The following LRRTM4 variants were observed in gnomAD, a reference collection of about 807,000 sequenced individuals.
The protein encoded by LRRTM4 is leucine-rich repeat transmembrane neuronal protein 4.
A neutral mutation model predicts 47.6 loss-of-function variants in LRRTM4; 25 were observed. The ratio of observed to expected loss-of-function variants is 0.53; its 90% CI spans 0.38 to 0.73. The LOEUF is 0.73. Among genes scored for constraint, LRRTM4 ranks in the 30% least tolerant of loss-of-function variants. The probability of loss-of-function intolerance (pLI) is 0.00; values close to 1 mark genes in which losing one functional copy is unlikely to be tolerated. For missense variants in LRRTM4, 638 were observed against 713.4 expected (o/e 0.89, Z 1.20); for synonymous variants, 311 against 269.5 (o/e 1.15, Z -1.51).
At chr2:77,285,340 T>TTTTATATATATATATA (rs1553422162) in intron 3 of LRRTM4, among the ~76,000 whole-genome samples, 6 of 82,590 alleles carry the variant, frequency 7.3e-5, no homozygotes, top group Admixed American at 2.9e-4. Flanking sequence ...AGCATTAAAT[T>TTTTATATATATATATA]TATATATATA....
At chr2:77,386,506 T>A (rs1459344487) in intron 3 of LRRTM4, among the ~76,000 whole-genome samples, 1 of 152,196 alleles carries the variant, frequency 6.6e-6, no homozygotes, top group African/African-American at 2.4e-5. Flanking sequence ...GTTTTCTTTA[T>A]CCAGAAAATA....
chr2:77,030,995 G>A (rs1365982810), intron 3 of LRRTM4, among the ~76,000 whole-genome samples: 1 of 152,140 alleles, frequency 6.6e-6, no homozygotes, highest in Non-Finnish European at 1.5e-5. Context: ...AGATTCACTG[G>A]ACAGTGGGAT....
At chr2:77,337,895 CAT>C (rs1487819669) in intron 3 of LRRTM4, among the ~76,000 whole-genome samples, 1 of 151,994 alleles carries the variant, frequency 6.6e-6, no homozygotes, top group Non-Finnish European at 1.5e-5. Context: ...AAAATAGACA[CAT>C]AGACCAATGC....
chr2:77,370,947 T>C (rs1672634784), intron 3 of LRRTM4, among the ~76,000 whole-genome samples: 1 of 151,716 alleles, frequency 6.6e-6, no homozygotes, highest in Non-Finnish European at 1.5e-5. Flanking sequence ...CATTAATATG[T>C]GATTTCAAAT....
Position 77,131,733 on chromosome 2 carries a change from C to T in LRRTM4, c.1552-382817G>A, listed in dbSNP as rs1195398270. 5.3e-5 allele frequency among the ~76,000 whole-genome samples: 8 copies of T among 152,114 alleles called. No individual in the cohort carries two copies. The South Asian group carries it at 1.4e-3, about 28-fold the overall frequency. ...TATTTGTAAAGGTAAGATCTAAAGCCTCCCCTTTTCAATAAACTTCCTGTG... is the reference window on the plus strand; with the variant it reads ...TATTTGTAAAGGTAAGATCTAAAGCTTCCCCTTTTCAATAAACTTCCTGTG... On this transcript the variant is annotated intron_variant, in intron 3 of 3. Transcript: ENST00000409884.
chr2:76,800,169 A>G (rs942386590), intron 3 of LRRTM4, among the ~76,000 whole-genome samples: 3 of 148,278 alleles, frequency 2.0e-5, no homozygotes, highest in Non-Finnish European at 4.5e-5. Flanking sequence ...AAAAGAACAA[A>G]GCTGGAGGCA....
intron 3 of LRRTM4, among the ~76,000 whole-genome samples, chr2:76,787,620 A>G (rs1458434997): frequency 6.6e-6 from 1 of 151,788 alleles, no homozygotes; most frequent in African/African-American, 2.4e-5. Flanking sequence ...AATATTTTCT[A>G]TTTTGTGAGG....
At chr2:77,021,568 G>T (rs185012061) in intron 3 of LRRTM4, among the ~76,000 whole-genome samples, 1 of 152,084 alleles carries the variant, frequency 6.6e-6, no homozygotes, top group African/African-American at 2.4e-5. Flanking sequence ...TGAAGAAAAG[G>T]TCACACTATT....
intron 3 of LRRTM4, among the ~76,000 whole-genome samples, chr2:76,792,251 A>G (rs1350803022): frequency 6.6e-6 from 1 of 152,186 alleles, no homozygotes; most frequent in Non-Finnish European, 1.5e-5. Flanking sequence ...CTTAAAAACA[A>G]CAAAATAACC....
chr2:77,270,261 A>G (rs1352172720), intron 3 of LRRTM4, among the ~76,000 whole-genome samples: 2 of 152,186 alleles, frequency 1.3e-5, no homozygotes, highest in Admixed American at 6.5e-5. Flanking sequence ...AATTGGAAGA[A>G]AAAAATGAAA....
intron 3 of LRRTM4, among the ~76,000 whole-genome samples, chr2:76,967,472 G>C (rs967166512): frequency 6.6e-6 from 1 of 151,312 alleles, no homozygotes; most frequent in East Asian, 2.0e-4. Context: ...CTCCTCCCAG[G>C]GCCTACAGAG....
chr2:77,004,789 A>G (rs1377848915), intron 3 of LRRTM4, among the ~76,000 whole-genome samples: 1 of 152,162 alleles, frequency 6.6e-6, no homozygotes, highest in African/African-American at 2.4e-5. Context: ...ACTGCACAGG[A>G]GCGAAGCTGC....
intron 3 of LRRTM4, among the ~76,000 whole-genome samples, chr2:77,177,721 C>A (rs1673238758): frequency 6.6e-6 from 1 of 152,190 alleles, no homozygotes; most frequent in Non-Finnish European, 1.5e-5. Flanking sequence ...CTCCAGGTGA[C>A]ATTATGACTG....
At chr2:77,108,188 G>T (rs1671149950) in intron 3 of LRRTM4, among the ~76,000 whole-genome samples, 1 of 152,018 alleles carries the variant, frequency 6.6e-6, no homozygotes, top group Non-Finnish European at 1.5e-5. Flanking sequence ...ATATTGCAAA[G>T]GCCACAAAAT....
At chr2:77,102,134 A>T (rs140626391) in intron 3 of LRRTM4, among the ~76,000 whole-genome samples, 101 of 152,260 alleles carry the variant, frequency 6.6e-4, no homozygotes, top group African/African-American at 2.2e-3. Context: ...CCAGTTTCTT[A>T]TATCTTTCTG....
chr2:76,790,922 C>T, intron 3 of LRRTM4, among the ~76,000 whole-genome samples: 1 of 152,112 alleles, frequency 6.6e-6, no homozygotes, highest in African/African-American at 2.4e-5. Flanking sequence ...GAATACTAAG[C>T]TGTTATAGTG....
intron 3 of LRRTM4, among the ~76,000 whole-genome samples, chr2:76,946,674 A>G (rs1318069801): frequency 1.3e-5 from 2 of 151,838 alleles, no homozygotes; most frequent in Non-Finnish European, 3.0e-5. Context: ...TGAATACCTA[A>G]AGCCTAGCCA....
chr2:77,018,578 A>T (rs1678157337), intron 3 of LRRTM4, among the ~76,000 whole-genome samples: 2 of 152,100 alleles, frequency 1.3e-5, no homozygotes, highest in Admixed American at 1.3e-4. Flanking sequence ...TGGTGATAAC[A>T]TCAGCAACCA....
At chr2:76,766,239 C>T (rs1255584876) in intron 3 of LRRTM4, among the ~76,000 whole-genome samples, 5 of 152,188 alleles carry the variant, frequency 3.3e-5, no homozygotes, top group East Asian at 3.9e-4. Flanking sequence ...ATACATGTGG[C>T]GAATTGTTCC....
Sources: gnomAD v4.1 joint callset for allele counts (sites outside exome capture counted in the v4.1 genomes callset) on GRCh38, gnomAD v4.1.1 for gene constraint, MANE v1.5 for transcripts, NCBI Gene and HGNC (gene_info 2026-07-23, HGNC 2026-07-21) for gene names.